Variants in NUDT9 observed in about 807,000 individuals in gnomAD.
NUDT9 encodes the protein ADP-ribose pyrophosphatase.
NUDT9 carries 31 observed loss-of-function variants against 41.0 expected under a neutral mutation model. The observed-to-expected ratio is 0.76, with a 90% CI of 0.57 to 1.02. The LOEUF (loss-of-function observed/expected upper bound fraction) is 1.02, where lower values mean the gene tolerates loss of function less well. NUDT9 is among the 50% of genes least tolerant of loss of function. The pLI is 0.00. For missense variants in NUDT9, 380 were observed against 431.4 expected (o/e 0.88, Z 1.06); for synonymous variants, 146 against 147.6 (o/e 0.99, Z 0.08).
intron 1 of NUDT9, among the ~76,000 whole-genome samples, chr4:87,433,389 T>C (rs190747972): frequency 3.3e-5 from 5 of 152,324 alleles, no homozygotes; most frequent in Admixed American, 2.6e-4. Context: ...CTGTAAGATG[T>C]CTCTTAACCT....
At chr4:87,446,178 T>G (rs1195116487) in intron 4 of NUDT9, among the ~76,000 whole-genome samples, 1 of 152,006 alleles carries the variant, frequency 6.6e-6, no homozygotes, top group Non-Finnish European at 1.5e-5. Context: ...GCTCCTTGCA[T>G]GTGATGTGTA....
chr4:87,438,361 T>C lies in NUDT9; in HGVS notation c.432T>C (p.Asn144=). Residue 144 remains asparagine, a synonymous_variant, in exon 3 of 8, where the codon AAT becomes AAC. Coordinates refer to ENST00000302174, the MANE Select transcript of NUDT9 (RefSeq NM_024047.5). ...KSKNGLYEIE[N]GRPRNPAGRT... is the part of the protein sequence containing the mutation. ...AGAATGGCCTGTATGAGATTGAAAA[T>C]GGAAGACCGAGGTAGGTACTGGGAG... 1 of 1,596,840 alleles carries C rather than the reference T, an allele frequency of 6.3e-7. No homozygotes were observed.
At chr4:87,437,211 C>T (rs1045080257) in intron 2 of NUDT9, among the ~76,000 whole-genome samples, 2 of 121,138 alleles carry the variant, frequency 1.7e-5, no homozygotes, top group Admixed American at 1.0e-4. Flanking sequence ...GATAATGCTA[C>T]AGCATTCCAG....
intron 4 of NUDT9, among the ~76,000 whole-genome samples, chr4:87,442,199 GCTATAGCCTATTGCTCTTAGGCTA>G (rs1397122870): frequency 1.3e-5 from 2 of 152,218 alleles, no homozygotes; most frequent in African/African-American, 2.4e-5. Flanking sequence ...TATGCCATAT[GCTATAGCCTATTGCTCTTAGGCTA>G]CAAGCCTGTA....
At chr4:87,452,894 C>T (rs1294700018) in intron 6 of NUDT9, among the ~76,000 whole-genome samples, 2 of 150,444 alleles carry the variant, frequency 1.3e-5, no homozygotes, top group South Asian at 2.1e-4. Flanking sequence ...TCACTGCAAC[C>T]TCTGCCTCCC....
rs944385695 is a variant in NUDT9 at position 87,458,311 on chromosome 4, A to G, written c.*290A>G. The G allele has an allele frequency of 3.5e-5, 8 of 226,222 alleles. No individual in the cohort carries two copies. The highest frequency in any genetic ancestry group is 5.9e-5 in the Non-Finnish European group (7 of 117,726). 14.0% of individuals were successfully genotyped at this position (226,222 alleles called of 1,614,324 possible). On this transcript the variant is annotated 3_prime_UTR_variant, in exon 8 of 8. Coordinates refer to ENST00000302174, the MANE Select transcript of NUDT9 (RefSeq NM_024047.5). Reference sequence around the variant, plus strand: ...AACAACTAATGCTCTTTGAAGAATCATAATCAGAATAAAGATAAATTCTTG... The same window carrying G: ...AACAACTAATGCTCTTTGAAGAATCGTAATCAGAATAAAGATAAATTCTTG...
chr4:87,431,764 C>G (rs1721696939), intron 1 of NUDT9, among the ~76,000 whole-genome samples: 1 of 152,190 alleles, frequency 6.6e-6, no homozygotes, highest in South Asian at 2.1e-4. Flanking sequence ...CGGCTTACTG[C>G]AACCTCCGCC....
rs1049802483 is a variant in NUDT9 at position 87,458,682 on chromosome 4, G to C, written c.*661G>C. The C allele has an allele frequency of 2.0e-5, 3 of 152,160 alleles. No individual in the cohort carries two copies. The highest frequency in any genetic ancestry group is 2.9e-5 in the Non-Finnish European group (2 of 68,030). 9.4% of individuals were successfully genotyped at this position (152,160 alleles called of 1,614,324 possible). A position where few individuals can be genotyped will look rare whatever the true frequency, so the allele number is the denominator to read the frequency against. On this transcript the variant is annotated 3_prime_UTR_variant, in exon 8 of 8. Transcript: ENST00000302174. ...TTTCAAAAATTCTGAATTAAAAAAAGTCCAGGAAGTTAGTAATTTAAATCA... is the reference window on the plus strand; with the variant it reads ...TTTCAAAAATTCTGAATTAAAAAAACTCCAGGAAGTTAGTAATTTAAATCA...
At chr4:87,431,551 C>A (rs1424738870) in intron 1 of NUDT9, among the ~76,000 whole-genome samples, 1 of 152,046 alleles carries the variant, frequency 6.6e-6, no homozygotes, top group Non-Finnish European at 1.5e-5. Context: ...CATAGGATGT[C>A]TTTTTATTTA....
chr4:87,449,885 CAG>C (rs1439179747), intron 5 of NUDT9, among the ~76,000 whole-genome samples: 1 of 151,954 alleles, frequency 6.6e-6, no homozygotes, highest in Non-Finnish European at 1.5e-5. Context: ...TATTTTGAGA[CAG>C]AGTCTCACTC....
At chr4:87,434,662 C>T (rs1355802416) in intron 1 of NUDT9, among the ~76,000 whole-genome samples, 2 of 146,956 alleles carry the variant, frequency 1.4e-5, no homozygotes, top group Non-Finnish European at 3.0e-5. Context: ...ATGGAGTTTT[C>T]ACTCCTGTTG....
chr4:87,434,913 C>G, intron 1 of NUDT9, 68 bp from the exon 2 acceptor site: 1 of 1,416,268 alleles, frequency 7.1e-7, no homozygotes, highest in African/African-American at 1.4e-5. Context: ...GCCACTGCAC[C>G]CGGCCTAGGT....
In NUDT9 at chr4:87,451,614, T is replaced by C; in HGVS notation, c.668T>C (p.Ile223Thr). The part of the protein sequence containing the change: ...PGGMVDPGEK[I>T]SATLKREFGE... ...GGGATGGTGGATCCAGGAGAGAAGA[T>C]TAGTGCCACACTGAAAAGAGAATTT... is the stretch of plus-strand genomic sequence containing the variant. Residue 223 changes from isoleucine to threonine, a missense_variant, in exon 6 of 8, where the codon ATT (isoleucine) becomes ACT (threonine). Coordinates refer to ENST00000302174, the MANE Select transcript of NUDT9 (RefSeq NM_024047.5). 6.2e-7 allele frequency: 1 copy of C among 1,613,862 alleles called. No homozygotes were observed. The highest frequency in any genetic ancestry group is 8.5e-7 in the Non-Finnish European group (1 of 1,179,878).
chr4:87,433,153 A>C (rs1721762258), intron 1 of NUDT9, among the ~76,000 whole-genome samples: 1 of 152,172 alleles, frequency 6.6e-6, no homozygotes, highest in Non-Finnish European at 1.5e-5. Flanking sequence ...GGGAGTAAAT[A>C]GATACTTTAA....
chr4:87,437,063 A>C (rs1185830422), intron 2 of NUDT9, among the ~76,000 whole-genome samples: 1 of 152,016 alleles, frequency 6.6e-6, no homozygotes, highest in Non-Finnish European at 1.5e-5. Flanking sequence ...AGCTTGGCAA[A>C]CATGATGAAA....
chr4:87,428,527 CA>C (rs1212047767), intron 1 of NUDT9, among the ~76,000 whole-genome samples: 1 of 82,026 alleles, frequency 1.2e-5, no homozygotes, highest in Non-Finnish European at 2.4e-5. Flanking sequence ...TACATCCAGA[CA>C]ATGGGATATT....
rs1048725195 is a variant in NUDT9, at chr4:87,451,723, A to G, written c.777A>G (p.Gln259=). The change falls in exon 6 of 8, where the codon CAA becomes CAG. Residue 259 remains glutamine, a synonymous_variant. Transcript: ENST00000302174. The part of the protein sequence containing the change: ...IEEKLHKLFS[Q]DHLVIYKGYV... ...AAAAGTTGCACAAACTCTTCAGCCA[A>G]GACCACCTAGTGGTAAGAAATAGTG... The G allele has an allele frequency of 6.2e-7, 1 of 1,613,782 alleles. No homozygotes were observed. Among genetic ancestry groups the G allele is most frequent in the African/African-American group, 1.3e-5 (1 of 75,048 alleles).
chr4:87,423,708 C>T (rs1721263595), intron 1 of NUDT9, among the ~76,000 whole-genome samples: 1 of 152,120 alleles, frequency 6.6e-6, no homozygotes. Context: ...GGTCCTGTTT[C>T]CTTCTGTTGC....
intron 6 of NUDT9, 131 bp downstream of exon 6, chr4:87,451,866 A>G (rs1200745597): frequency 1.3e-6 from 1 of 742,414 alleles, no homozygotes; most frequent in Non-Finnish European, 2.1e-6. Flanking sequence ...TATATTCACA[A>G]AAACAAATTA....
Sources: allele counts gnomAD v4.1 joint callset (sites outside exome capture counted in the v4.1 genomes callset), GRCh38; gene constraint gnomAD v4.1.1; transcripts MANE v1.5; gene names NCBI Gene and HGNC (gene_info 2026-07-23, HGNC 2026-07-21).